The following NFYA variants were observed in gnomAD, a reference collection of about 807,000 sequenced individuals.
NFYA encodes CAAT-box DNA binding protein subunit A.
A neutral mutation model predicts 52.8 loss-of-function variants in NFYA; 28 were observed. The ratio of observed to expected loss-of-function variants is 0.53; its 90% confidence interval spans 0.39 to 0.73. NFYA has a LOEUF of 0.73. Among genes scored for constraint, NFYA ranks in the 30% least tolerant of loss-of-function variants. NFYA has a pLI of 0.00. For missense variants in NFYA, 234 were observed against 427.0 expected (o/e 0.55, Z 3.98); for synonymous variants, 150 against 150.7 (o/e 1.00, Z 0.03).
rs550328221 is a variant in NFYA, at chr6:41,100,275, T to C, written c.*2865T>C. On this transcript the variant is annotated 3_prime_UTR_variant, in exon 10 of 10. Transcript: ENST00000341376. ...ATTCCATGAGGAAAATTAGCCGTTA[T>C]CACAAAAACAGCCTTAAGTATTGTA... is the stretch of plus-strand genomic sequence containing the variant. Among the ~76,000 whole-genome samples, 48 of 152,342 alleles carry C rather than the reference T, an allele frequency of 3.2e-4. No individual in the cohort carries two copies. Among genetic ancestry groups the C allele is most frequent in the African/African-American group, 1.0e-3 (42 of 41,594 alleles).
At chr6:41,097,023 G>A (rs963824749) in intron 9 of NFYA, among the ~76,000 whole-genome samples, 1 of 152,158 alleles carries the variant, frequency 6.6e-6, no homozygotes, top group Non-Finnish European at 1.5e-5. Context: ...GTTTCTCTGG[G>A]TCTTTTCCTT....
intron 1 of NFYA, among the ~76,000 whole-genome samples, chr6:41,078,670 C>T (rs1290588198): frequency 6.6e-6 from 1 of 152,136 alleles, no homozygotes; most frequent in African/African-American, 2.4e-5. Flanking sequence ...CGTGTTACAA[C>T]TTAAAGAAGC....
At chr6:41,078,530 A>G (rs937300428) in intron 1 of NFYA, among the ~76,000 whole-genome samples, 1 of 152,340 alleles carries the variant, frequency 6.6e-6, no homozygotes, top group African/African-American at 2.4e-5. Context: ...GTTCTCAGAT[A>G]TCATTCAGTT....
chr6:41,100,761 G>A lies in NFYA; in HGVS notation c.*3351G>A, dbSNP rs72856259. 0.099 allele frequency among the ~76,000 whole-genome samples: 15,024 copies of A among 152,194 alleles called. 771 individuals carry two copies. Among genetic ancestry groups the A allele is most frequent in the Middle Eastern group, 0.15 (44 of 294 alleles). ...ACGGCTTTATCGTAGGAGCGTCTTCGCCTCCCCCGTTTCCAGTAGAAAAGA... is the reference window on the plus strand; with the variant it reads ...ACGGCTTTATCGTAGGAGCGTCTTCACCTCCCCCGTTTCCAGTAGAAAAGA... On this transcript the variant is annotated 3_prime_UTR_variant, in exon 10 of 10. Transcript: ENST00000341376.
chr6:41,078,619 A>G (rs1341307015), intron 1 of NFYA, among the ~76,000 whole-genome samples: 4 of 152,220 alleles, frequency 2.6e-5, no homozygotes, highest in African/African-American at 9.7e-5. Flanking sequence ...TGCCTACCAT[A>G]TGTAGTGGAC....
At chr6:41,090,088 C>CT in intron 5 of NFYA, 116 bp from the exon 6 acceptor site, 1 of 674,004 alleles carries the variant, frequency 1.5e-6, no homozygotes, top group Non-Finnish European at 2.5e-6. Flanking sequence ...GCACTCCAGC[C>CT]TGGCGACAGA....
At chr6:41,084,638 CAG>C (rs1763992715) in intron 4 of NFYA, among the ~76,000 whole-genome samples, 1 of 152,154 alleles carries the variant, frequency 6.6e-6, no homozygotes, top group Admixed American at 6.5e-5. Context: ...GATTGAGAAA[CAG>C]AAAACAAAAG....
rs1192211943 is a variant in NFYA, at chr6:41,097,655, A to G, written c.*245A>G. On this transcript the variant is annotated 3_prime_UTR_variant, in exon 10 of 10. Coordinates refer to ENST00000341376, the MANE Select transcript of NFYA (RefSeq NM_002505.5). ...AGACTGTTGATGACATTGACATTTC[A>G]TGGATTCGGATGATGCAAGGAGACA... is the stretch of plus-strand genomic sequence containing the variant. The G allele has an allele frequency of 6.9e-6, 3 of 432,966 alleles. No individual in the cohort carries two copies. The highest frequency in any genetic ancestry group is 8.4e-6 in the Non-Finnish European group (2 of 236,938). The allele number at this position is 432,966 out of a possible 1,614,324, so 26.8% of individuals were successfully genotyped here.
chr6:41,089,776 A>T, intron 5 of NFYA, 66 bp downstream of exon 5: 1 of 1,573,654 alleles, frequency 6.4e-7, no homozygotes, highest in South Asian at 1.2e-5. Flanking sequence ...ACTGAGTCAG[A>T]TATTTCATGT....
chr6:41,073,620 CGGGAGGGAGGCCTG>C (rs1349362585), intron 1 of NFYA, among the ~76,000 whole-genome samples: 1 of 152,024 alleles, frequency 6.6e-6, no homozygotes, highest in Non-Finnish European at 1.5e-5. Context: ...CCCTCTAGGT[CGGGAGGGAGGCCTG>C]GGGAGGGTGC....
chr6:41,073,087 G>T lies in NFYA; in HGVS notation c.-62+3G>T. The T allele has an allele frequency of 6.5e-6, 1 of 153,752 alleles. No homozygotes were observed. Among genetic ancestry groups the T allele is most frequent in the South Asian group, 1.9e-4 (1 of 5,396 alleles). 9.5% of individuals were successfully genotyped at this position (153,752 alleles called of 1,614,324 possible). On this transcript the variant is annotated splice_donor_region_variant and intron_variant, in intron 1 of 9. Coordinates refer to ENST00000341376, the MANE Select transcript of NFYA (RefSeq NM_002505.5). ...GCGAACCGGGGGAGCGAGGCACGGT[G>T]AGTGTGAGGAGCCAATATCCAGCGG...
rs530770934 is a variant in NFYA at position 41,092,622 on chromosome 6, C to G, written c.715-290C>G. 2.0e-5 allele frequency among the ~76,000 whole-genome samples: 3 copies of G among 152,078 alleles called. No homozygotes were observed. In the South Asian group the frequency reaches 6.2e-4, roughly 32 times the overall value. ...TTGTCTTATGACTACTGTTCCTGAC[C>G]ATTAGATGGCAGCAGAAATATCTAG... is the stretch of plus-strand genomic sequence containing the variant. On this transcript the variant is annotated intron_variant, in intron 7 of 9. Transcript: ENST00000341376.
At chr6:41,082,006 ACT>A (rs1258663779) in intron 3 of NFYA, among the ~76,000 whole-genome samples, 4 of 152,236 alleles carry the variant, frequency 2.6e-5, no homozygotes, top group Admixed American at 2.0e-4. Flanking sequence ...TATTAAAATA[ACT>A]CTATTTTTGA....
At chr6:41,090,405 A>C (rs1764168448) in intron 6 of NFYA, 96 bp downstream of exon 6, 2 of 652,172 alleles carry the variant, frequency 3.1e-6, no homozygotes, top group East Asian at 2.6e-5. Context: ...TGAACTTGAC[A>C]CTACATATTT....
chr6:41,073,819 GGCCCGGCGCCGTTACCACCCCT>G (rs1214582099), intron 1 of NFYA, among the ~76,000 whole-genome samples: 2 of 152,138 alleles, frequency 1.3e-5, no homozygotes, highest in Admixed American at 1.3e-4. Context: ...CCGGGTCTCC[GGCCCGGCGCCGTTACCACCCCT>G]TTTGGCTCGT....
chr6:41,091,503 T>G, intron 6 of NFYA, 25 bp from the exon 7 acceptor site: 1 of 1,609,224 alleles, frequency 6.2e-7, no homozygotes, highest in African/African-American at 1.3e-5. Context: ...GTTTTTTGTT[T>G]GTTTTATGTT....
chr6:41,088,398 G>C (rs1052581669), intron 4 of NFYA, among the ~76,000 whole-genome samples: 1 of 129,658 alleles, frequency 7.7e-6, no homozygotes, highest in South Asian at 2.4e-4. Context: ...ACTCCAGCCT[G>C]AGCCACAGAG....
chr6:41,101,262 G>A lies in NFYA; in HGVS notation c.*3852G>A, dbSNP rs375438385. 9 of 152,344 alleles carry A rather than the reference G, an allele frequency of 5.9e-5. No homozygotes were observed. Among genetic ancestry groups the A allele is most frequent in the African/African-American group, 2.2e-4 (9 of 41,578 alleles). The allele number at this position is 152,344 out of a possible 1,614,324, so 9.4% of individuals were successfully genotyped here. On this transcript the variant is annotated 3_prime_UTR_variant, in exon 10 of 10. Transcript: ENST00000341376. ...TTGGGTCTAAGCCCCTGGAGGCCTCGACGGTTACAGGCCTAGCCTCCCGCG... is the reference window on the plus strand; with the variant it reads ...TTGGGTCTAAGCCCCTGGAGGCCTCAACGGTTACAGGCCTAGCCTCCCGCG...
intron 9 of NFYA, among the ~76,000 whole-genome samples, chr6:41,095,679 C>T (rs150200262): frequency 2.6e-5 from 4 of 152,296 alleles, no homozygotes; most frequent in African/African-American, 7.2e-5. Context: ...GATCCTCTCG[C>T]CTTGGCCTCC....
Sources: allele counts gnomAD v4.1 joint callset (sites outside exome capture counted in the v4.1 genomes callset), GRCh38; gene constraint gnomAD v4.1.1; transcripts MANE v1.5; gene names NCBI Gene and HGNC (gene_info 2026-07-23, HGNC 2026-07-21).